NELL1: variants seen among roughly 807,000 people sequenced by gnomAD.
NELL1 encodes the protein neural EGFL like 1, also known as protein kinase C-binding protein NELL1.
A neutral mutation model predicts 107.4 loss-of-function variants in NELL1; 76 were observed. The ratio of observed to expected loss-of-function variants is 0.71; its 90% CI spans 0.59 to 0.86. The LOEUF is 0.86. Ranked by LOEUF, NELL1 falls within the 40% of genes least tolerant of loss-of-function variation. The pLI, the probability that NELL1 is intolerant of heterozygous loss-of-function variation, is 0.00. For missense variants in NELL1, 1,024 were observed against 1,005.5 expected, an observed-to-expected ratio of 1.02 and a Z score of -0.25; for synonymous variants, 353 against 341.2, an observed-to-expected ratio of 1.03 and a Z score of -0.38.
chr11:20,812,084 G>A (rs1176263649), intron 3 of NELL1, among the ~76,000 whole-genome samples: 1 of 152,038 alleles, frequency 6.6e-6, no homozygotes, highest in African/African-American at 2.4e-5. Context: ...TGTTATATAT[G>A]ACCTTTATTA....
At chr11:20,806,125 CT>C (rs1278998372) in intron 3 of NELL1, among the ~76,000 whole-genome samples, 2,318 of 134,728 alleles carry the variant, frequency 0.017, 37 homozygotes, top group African/African-American at 0.041. Context: ...TATTAATGTC[CT>C]TTTTTTTTTT....
chr11:20,739,375 C>T (rs543326141), intron 2 of NELL1, among the ~76,000 whole-genome samples: 10 of 150,190 alleles, frequency 6.7e-5, no homozygotes, highest in South Asian at 4.3e-4. Flanking sequence ...ATGCACACCA[C>T]GTTGTCAGGT....
chr11:21,380,820 T>C (rs1851589600), intron 15 of NELL1, among the ~76,000 whole-genome samples: 1 of 152,028 alleles, frequency 6.6e-6, no homozygotes, highest in African/African-American at 2.4e-5. Flanking sequence ...AAACAAGAAT[T>C]TGGACGAGAA....
chr11:21,049,078 T>G (rs4922735), intron 12 of NELL1, among the ~76,000 whole-genome samples: 58,288 of 151,748 alleles, frequency 0.38, 14,135 homozygotes, highest in African/African-American at 0.68. Flanking sequence ...CTGATGCTGG[T>G]ATGGCTCAGC....
chr11:21,160,259 T>C (rs1000589872), intron 13 of NELL1, among the ~76,000 whole-genome samples: 1 of 152,214 alleles, frequency 6.6e-6, no homozygotes, highest in African/African-American at 2.4e-5. Flanking sequence ...CGAGGTGTCC[T>C]CCTCTGGGAA....
At chr11:21,092,585 G>A (rs1854547015) in intron 12 of NELL1, among the ~76,000 whole-genome samples, 2 of 152,022 alleles carry the variant, frequency 1.3e-5, no homozygotes, top group Admixed American at 6.6e-5. Context: ...GAAAAATTGA[G>A]GCCCATCTGC....
In NELL1 at chr11:21,204,118, G is replaced by A. The variant is rs574996625; in HGVS notation, c.1427-25214G>A. ...GTTGCTCTTCTCGAAGAGTATTTTT[G>A]TGGTGGTCTCTGTATTTCCTGAATT... On this transcript the variant is annotated intron_variant, in intron 13 of 19. Transcript: ENST00000357134. Among the ~76,000 whole-genome samples the A allele has an allele frequency of 3.3e-5, 5 of 152,166 alleles. No individual in the cohort carries two copies. The East Asian group carries it at 5.8e-4, about 18-fold the overall frequency.
chr11:20,970,053 GT>G (rs1851464916), intron 12 of NELL1, among the ~76,000 whole-genome samples: 1 of 125,968 alleles, frequency 7.9e-6, no homozygotes, highest in Non-Finnish European at 1.6e-5. Context: ...CTATCTCTCT[GT>G]CCATCCATCC....
At chr11:21,497,285 A>G (rs150844496) in intron 15 of NELL1, among the ~76,000 whole-genome samples, 24,756 of 152,064 alleles carry the variant, frequency 0.16, 2,146 homozygotes, top group Non-Finnish European at 0.19. Flanking sequence ...GTGCACATGT[A>G]CCCTAGAACT....
intron 5 of NELL1, among the ~76,000 whole-genome samples, chr11:20,895,849 A>G (rs1002505480): frequency 2.6e-5 from 4 of 152,066 alleles, no homozygotes; most frequent in Non-Finnish European, 5.9e-5. Context: ...ACTTAAGATA[A>G]TGACCTCCAG....
intron 14 of NELL1, among the ~76,000 whole-genome samples, chr11:21,252,315 T>C (rs1858659699): frequency 6.6e-6 from 1 of 151,960 alleles, no homozygotes. Context: ...GTTTTCCTAT[T>C]GTAACATTGG....
intron 15 of NELL1, among the ~76,000 whole-genome samples, chr11:21,433,712 G>T (rs967256638): frequency 2.6e-5 from 4 of 152,090 alleles, no homozygotes; most frequent in African/African-American, 9.7e-5. Flanking sequence ...TTACACTCTT[G>T]TTGCCCAGGC....
At chr11:21,230,258 C>T (rs568831528) in intron 14 of NELL1, among the ~76,000 whole-genome samples, 1 of 152,232 alleles carries the variant, frequency 6.6e-6, no homozygotes, top group Admixed American at 6.5e-5. Context: ...GTGTTATCTG[C>T]CTCCCCACTA....
chr11:21,570,886 G>A lies in NELL1; in HGVS notation c.2103G>A (p.Lys701=). ...AATGTTTAGACCAAAATGGTCACAAGCTGTATCGAAGTGGAGACAATTGGA... is the reference window on the plus strand; with the variant it reads ...AATGTTTAGACCAAAATGGTCACAAACTGTATCGAAGTGGAGACAATTGGA... ...TSQCLDQNGH[K]LYRSGDNWTH... is the part of the protein sequence containing the mutation. Residue 701 remains lysine (K), a synonymous_variant, in exon 18 of 20, where the codon AAG becomes AAA. Coordinates refer to ENST00000357134, the MANE Select transcript of NELL1 (RefSeq NM_006157.5). The A allele has an allele frequency of 6.2e-7, 1 of 1,611,928 alleles. No homozygotes were observed. Among genetic ancestry groups the A allele is most frequent in the Non-Finnish European group, 8.5e-7 (1 of 1,178,634 alleles).
At chr11:21,126,125 G>A (rs1165483879) in intron 13 of NELL1, among the ~76,000 whole-genome samples, 3 of 152,156 alleles carry the variant, frequency 2.0e-5, no homozygotes, top group African/African-American at 7.2e-5. Context: ...TGGTGGTGAG[G>A]CAGAGATAGG....
At chr11:20,674,856 C>G (rs999666119) in intron 1 of NELL1, among the ~76,000 whole-genome samples, 1 of 152,150 alleles carries the variant, frequency 6.6e-6, no homozygotes, top group Non-Finnish European at 1.5e-5. Flanking sequence ...GAGATTTGAG[C>G]GTCTTAAGGA....
intron 2 of NELL1, among the ~76,000 whole-genome samples, chr11:20,745,640 G>A (rs1855986515): frequency 6.6e-6 from 1 of 152,156 alleles, no homozygotes. Flanking sequence ...ATACAAAATA[G>A]CACCTTGAAA....
intron 12 of NELL1, among the ~76,000 whole-genome samples, chr11:20,991,754 A>G (rs1010181890): frequency 6.6e-6 from 1 of 152,196 alleles, no homozygotes; most frequent in Non-Finnish European, 1.5e-5. Flanking sequence ...CTGCTCTGGG[A>G]ACGATACTCG....
intron 3 of NELL1, among the ~76,000 whole-genome samples, chr11:20,829,630 A>G (rs1330023856): frequency 6.6e-6 from 1 of 151,808 alleles, no homozygotes; most frequent in African/African-American, 2.4e-5. Flanking sequence ...TCCAGCCCAC[A>G]TTTCATTTAG....
Sources: gnomAD v4.1 joint callset for allele counts (sites outside exome capture counted in the v4.1 genomes callset) on GRCh38, gnomAD v4.1.1 for gene constraint, MANE v1.5 for transcripts, NCBI Gene and HGNC (gene_info 2026-07-23, HGNC 2026-07-21) for gene names.